The following RASEF variants were observed in gnomAD, a reference collection of about 807,000 sequenced individuals.
RASEF encodes the protein ras and EF-hand domain-containing protein.
In RASEF, 68 loss-of-function variants were observed where a neutral mutation model predicts 90.1. The ratio of observed to expected loss-of-function variants is 0.75; its 90% CI spans 0.62 to 0.92. The LOEUF is 0.92. Ranked by LOEUF, RASEF falls within the 40% of genes least tolerant of loss-of-function variation. The probability of loss-of-function intolerance (pLI) is 0.00; values close to 1 mark genes in which losing one functional copy is unlikely to be tolerated. For missense variants in RASEF, 949 were observed against 937.2 expected, an observed-to-expected ratio of 1.01 and a Z score of -0.16; for synonymous variants, 331 against 345.2, an observed-to-expected ratio of 0.96 and a Z score of 0.46.
the RASEF span, among the ~76,000 whole-genome samples, chr9:83,118,732 A>G: frequency 6.6e-6 from 1 of 152,204 alleles, no homozygotes; most frequent in African/African-American, 2.4e-5. Flanking sequence ...ATACAATGAC[A>G]TTAGGATCAT....
chr9:83,193,190 C>CAGA, the RASEF span, among the ~76,000 whole-genome samples: 4 of 152,200 alleles, frequency 2.6e-5, no homozygotes, highest in Non-Finnish European at 4.4e-5. Flanking sequence ...AGCTGTAGTG[C>CAGA]CAGGTCCCTG....
intron 9 of RASEF, among the ~76,000 whole-genome samples, chr9:83,001,821 T>C (rs1216733806): frequency 6.6e-6 from 1 of 152,174 alleles, no homozygotes; most frequent in African/African-American, 2.4e-5. Context: ...GAAACATGAC[T>C]GGAATGTATG....
chr9:83,129,065 T>C, the RASEF span, among the ~76,000 whole-genome samples: 5,417 of 152,250 alleles, frequency 0.036, 142 homozygotes, highest in Non-Finnish European at 0.052. Flanking sequence ...AAAATTCCAT[T>C]TATCTTCTGA....
chr9:82,990,185 T>C (rs779739507), intron 16 of RASEF, among the ~76,000 whole-genome samples: 41 of 152,200 alleles, frequency 2.7e-4, no homozygotes, highest in Non-Finnish European at 7.3e-5. Context: ...CAGATGCACC[T>C]CTTTTGTTTG....
At chr9:83,138,684 G>A in the RASEF span, among the ~76,000 whole-genome samples, 1 of 152,094 alleles carries the variant, frequency 6.6e-6, no homozygotes, top group Non-Finnish European at 1.5e-5. Context: ...AAAGACAGCT[G>A]TATTTGTTTC....
the RASEF span, among the ~76,000 whole-genome samples, chr9:83,206,376 G>A: frequency 6.6e-6 from 1 of 152,220 alleles, no homozygotes; most frequent in South Asian, 2.1e-4. Context: ...TTATTAAAAT[G>A]TATTTCAGAT....
intron 2 of RASEF, among the ~76,000 whole-genome samples, chr9:83,023,138 T>A (rs1272338823): frequency 6.6e-6 from 1 of 152,188 alleles, no homozygotes; most frequent in Non-Finnish European, 1.5e-5. Context: ...GATGGTTATA[T>A]ATAATTTTGA....
the RASEF span, among the ~76,000 whole-genome samples, chr9:83,191,409 T>C: frequency 2.7e-3 from 406 of 152,304 alleles, 3 homozygotes; most frequent in African/African-American, 9.2e-3. Context: ...CTCTTCCACT[T>C]CATAGCTACC....
intron 14 of RASEF, 35 bp downstream of exon 14, chr9:82,996,977 G>C (rs754394302): frequency 8.1e-7 from 1 of 1,242,112 alleles, no homozygotes; most frequent in Non-Finnish European, 1.2e-6. Flanking sequence ...AAACTTCCTC[G>C]TGTAATTTTC....
intron 1 of RASEF, chr9:83,048,292 G>A: frequency 2.1e-5 from 21 of 985,386 alleles, no homozygotes; most frequent in Non-Finnish European, 2.5e-5. Context: ...AGGCATGAAG[G>A]CGTCACTTCT....
At chr9:83,017,903 C>A (rs965975509) in intron 3 of RASEF, among the ~76,000 whole-genome samples, 1 of 152,126 alleles carries the variant, frequency 6.6e-6, no homozygotes, top group East Asian at 1.9e-4. Context: ...AAAAATCAAT[C>A]AATGTAATTT....
At chr9:83,015,747 G>T in intron 4 of RASEF, 58 bp downstream of exon 4, 1 of 1,232,448 alleles carries the variant, frequency 8.1e-7, no homozygotes, top group Non-Finnish European at 1.2e-6. Context: ...GTTGTTAATG[G>T]CTTAGATACC....
intron 16 of RASEF, among the ~76,000 whole-genome samples, chr9:82,988,625 G>C (rs1032629848): frequency 6.6e-6 from 1 of 152,012 alleles, no homozygotes; most frequent in African/African-American, 2.4e-5. Context: ...GTGAGTTCTC[G>C]CTCTGAGTTC....
chr9:83,040,349 C>A (rs948465556), intron 1 of RASEF, among the ~76,000 whole-genome samples: 17 of 152,030 alleles, frequency 1.1e-4, no homozygotes, highest in Admixed American at 1.1e-3. Flanking sequence ...AATGTGGGGG[C>A]ATTTTTAACA....
intron 1 of RASEF, among the ~76,000 whole-genome samples, chr9:83,056,509 T>C (rs540922554): frequency 6.6e-6 from 1 of 152,294 alleles, no homozygotes; most frequent in Admixed American, 6.5e-5. Flanking sequence ...GAAAAAGGAT[T>C]CAAAACACAC....
chr9:83,125,822 A>T, the RASEF span, among the ~76,000 whole-genome samples: 2 of 152,326 alleles, frequency 1.3e-5, no homozygotes, highest in Admixed American at 6.5e-5. Flanking sequence ...GTCCGTTGAC[A>T]TATTAAAGTC....
chr9:83,124,535 A>G, the RASEF span, among the ~76,000 whole-genome samples: 69 of 152,310 alleles, frequency 4.5e-4, no homozygotes, highest in African/African-American at 1.6e-3. Context: ...GATGGTAAAT[A>G]AAGCTGCCGC....
At position 83,009,669 on chromosome 9, in the gene RASEF, A is replaced by G. The variant is rs763706260; in HGVS notation, c.931T>C (p.Tyr311His). The G allele has an allele frequency of 1.2e-6, 2 of 1,610,356 alleles. No individual in the cohort carries two copies. Among genetic ancestry groups the G allele is most frequent in the African/African-American group, 1.3e-5 (1 of 74,866 alleles). ...TCAGTATTCAGACTCTGATCAGCAT[A>G]ATCACTTTTCAAAGCATCTAACTCA... ...QSELDALKSDYADQSLNTERD... is the reference protein window; with the variant it reads ...QSELDALKSDHADQSLNTERD... Residue 311 changes from tyrosine to histidine, a missense_variant, in exon 6 of 17, where the codon TAT becomes CAT. Coordinates refer to ENST00000376447, the MANE Select transcript of RASEF (RefSeq NM_152573.4).
the RASEF span, among the ~76,000 whole-genome samples, chr9:83,111,630 T>C: frequency 6.6e-6 from 1 of 152,144 alleles, no homozygotes; most frequent in African/African-American, 2.4e-5. Flanking sequence ...AATTTTTATT[T>C]GTCAATTATA....
Sources: gnomAD v4.1 joint callset for allele counts (sites outside exome capture counted in the v4.1 genomes callset) on GRCh38, gnomAD v4.1.1 for gene constraint, MANE v1.5 for transcripts, NCBI Gene and HGNC (gene_info 2026-07-23, HGNC 2026-07-21) for gene names.